PCDHA2: variants seen among roughly 807,000 people sequenced by gnomAD.
PCDHA2 encodes the protein protocadherin alpha 2.
In PCDHA2, 58 loss-of-function variants were observed where a neutral mutation model predicts 66.0. The observed-to-expected ratio is 0.88, with a 90% CI of 0.71 to 1.09. PCDHA2 has a LOEUF of 1.09. PCDHA2 is among the 50% of genes least tolerant of loss of function. The probability of loss-of-function intolerance (pLI) is 0.00; values close to 1 mark genes in which losing one functional copy is unlikely to be tolerated. For synonymous variants in PCDHA2, 634 were observed against 554.0 expected, an observed-to-expected ratio of 1.14 and a Z score of -2.03; for missense variants, 1,267 against 1,242.3, an observed-to-expected ratio of 1.02 and a Z score of -0.30.
chr5:140,967,364 C>T, intron 1 of PCDHA2: 2 of 1,607,620 alleles, frequency 1.2e-6, no homozygotes, highest in Non-Finnish European at 1.7e-6. Flanking sequence ...CCTTAAGCCC[C>T]TGCAGGAGAA....
chr5:140,869,384 A>G, intron 1 of PCDHA2: 1 of 1,614,120 alleles, frequency 6.2e-7, no homozygotes, highest in South Asian at 1.1e-5. Context: ...GACCGCGAGG[A>G]GCTGTGCGGG....
chr5:140,795,249 G>C lies in PCDHA2; in HGVS notation c.285G>C (p.Leu95=), dbSNP rs1554119329. ...ATTCTCGGATCGACCGGGAGGAGCT[G>C]TGCGGGCGGAGCGCGGAATGTAGCA... ...FVNSRIDREE[L]CGRSAECSIH... The change falls in exon 1 of 4, where the codon CTG becomes CTC. Residue 95 remains leucine, a synonymous_variant. Coordinates refer to ENST00000526136, the MANE Select transcript of PCDHA2 (RefSeq NM_018905.3). The C allele has an allele frequency of 6.2e-7, 1 of 1,614,272 alleles. No individual in the cohort carries two copies. The highest frequency in any genetic ancestry group is 1.1e-5 in the South Asian group (1 of 91,068).
chr5:141,000,422 T>TATATA (rs1491457105), intron 3 of PCDHA2, among the ~76,000 whole-genome samples: 1 of 51,852 alleles, frequency 1.9e-5, no homozygotes, highest in Non-Finnish European at 3.5e-5. Flanking sequence ...TATATATATA[T>TATATA]TTTTTTTTTT....
Position 140,828,872 on chromosome 5 carries a change from G to A in PCDHA2, c.2388+31520G>A, listed in dbSNP as rs1769998311. 15 of 1,614,106 alleles carry A rather than the reference G, an allele frequency of 9.3e-6. No individual in the cohort carries two copies. The highest frequency in any genetic ancestry group is 1.2e-5 in the Non-Finnish European group (14 of 1,180,040). On this transcript the variant is annotated intron_variant, in intron 1 of 3. Coordinates refer to ENST00000526136, the MANE Select transcript of PCDHA2 (RefSeq NM_018905.3). ...CGAAAATGCAGACAACGGAACAACA[G>A]TTATCAGACTGAATGCTTCTGATCG...
chr5:140,870,955 C>T, intron 1 of PCDHA2: 1 of 1,613,632 alleles, frequency 6.2e-7, no homozygotes, highest in Non-Finnish European at 8.5e-7. Context: ...GGGCGGCTCG[C>T]GCATCCCGTT....
At chr5:140,800,574 A>G (rs6871155) in intron 1 of PCDHA2, among the ~76,000 whole-genome samples, 8,183 of 152,286 alleles carry the variant, frequency 0.054, 725 homozygotes, top group African/African-American at 0.19. Context: ...CTTGGGTGGT[A>G]AAGAGGTTAA....
At chr5:140,875,654 C>G in intron 1 of PCDHA2, 2 of 1,613,702 alleles carry the variant, frequency 1.2e-6, no homozygotes, top group Non-Finnish European at 8.5e-7. Flanking sequence ...GAGCTGGTGC[C>G]GCGCCTGTTC....
At chr5:140,879,910 T>C (rs2058174335) in intron 1 of PCDHA2, among the ~76,000 whole-genome samples, 1 of 152,194 alleles carries the variant, frequency 6.6e-6, no homozygotes, top group Non-Finnish European at 1.5e-5. Context: ...TCTCTATGTG[T>C]TGGTTTTACA....
intron 1 of PCDHA2, among the ~76,000 whole-genome samples, chr5:140,947,556 A>C (rs1281977555): frequency 1.3e-5 from 2 of 151,584 alleles, no homozygotes; most frequent in Admixed American, 6.6e-5. Flanking sequence ...TTCCGCTGGG[A>C]TTTATATTGG....
chr5:140,807,036 G>GAA lies in PCDHA2; in HGVS notation c.2388+9687_2388+9688dup. 2.1e-6 allele frequency: 2 copies of GAA among 946,538 alleles called. 1 individual carries two copies. The highest frequency in any genetic ancestry group is 3.3e-5 in the South Asian group (2 of 59,988). The allele number at this position is 946,538 out of a possible 1,614,324, so 58.6% of individuals were successfully genotyped here. ...ATACATGAGAGAAGGAGGAAGAAGG[G>GAA]AAAATTCCTTCTATTCTTACTGGAA... On this transcript the variant is annotated intron_variant, in intron 1 of 3. Coordinates refer to ENST00000526136, the MANE Select transcript of PCDHA2 (RefSeq NM_018905.3).
intron 1 of PCDHA2, among the ~76,000 whole-genome samples, chr5:140,931,584 AAC>A (rs1355868674): frequency 1.3e-5 from 2 of 152,054 alleles, no homozygotes; most frequent in Admixed American, 1.3e-4. Flanking sequence ...CATTCAGTTG[AAC>A]AGTCTTTTTC....
At position 140,877,685 on chromosome 5, in the gene PCDHA2, C is replaced by T. The variant is rs377753884; in HGVS notation, c.2388+80333C>T. On this transcript the variant is annotated intron_variant, in intron 1 of 3. Transcript: ENST00000526136. Reference sequence around the variant, plus strand: ...AGCCGGTGCGCGCCGGGCAAGCCCACGCTGGTGTGCTCCAGCGCCGTGGGG... The same window carrying T: ...AGCCGGTGCGCGCCGGGCAAGCCCATGCTGGTGTGCTCCAGCGCCGTGGGG... 3.4e-5 allele frequency: 55 copies of T among 1,613,628 alleles called. No homozygotes were observed. Among genetic ancestry groups the T allele is most frequent in the Non-Finnish European group, 4.6e-5 (54 of 1,179,904 alleles).
intron 1 of PCDHA2, chr5:140,823,109 C>T (rs1197473169): frequency 6.2e-7 from 1 of 1,614,038 alleles, no homozygotes. Context: ...GTGGAAGTGG[C>T]CGACGTGAAC....
At chr5:140,877,189 G>T (rs370743077) in intron 1 of PCDHA2, 3 of 1,613,808 alleles carry the variant, frequency 1.9e-6, no homozygotes, top group Admixed American at 1.7e-5. Context: ...GGCTGGCAGC[G>T]CAGGAGGCGC....
chr5:140,805,073 A>G (rs1554123237), intron 1 of PCDHA2: 5 of 1,593,516 alleles, frequency 3.1e-6, no homozygotes, highest in South Asian at 2.2e-5. Context: ...TGGAACTTCA[A>G]TCTTCAAATC....
intron 1 of PCDHA2, chr5:140,966,759 C>G: frequency 6.9e-7 from 1 of 1,447,012 alleles, no homozygotes; most frequent in Non-Finnish European, 9.1e-7. Context: ...CCGCCGCGGC[C>G]AGTGGCTATG....
Position 140,795,037 on chromosome 5 carries a change from G to A in PCDHA2, c.73G>A (p.Glu25Lys), listed in dbSNP as rs9686540. 0.53 allele frequency: 850,398 copies of A among 1,613,662 alleles called. 224,736 individuals are homozygous for A. Among genetic ancestry groups the A allele is most frequent in the Middle Eastern group, 0.58 (3,520 of 6,058 alleles). Reference sequence around the variant, plus strand: ...CTCGCTTCTGCTCCTCGCAGCCTGGGAGGTGGGGAGCGGCCAGCTCCGCTA... The same window carrying A: ...CTCGCTTCTGCTCCTCGCAGCCTGGAAGGTGGGGAGCGGCCAGCTCCGCTA... ...LLSLLLLAAW[E>K]VGSGQLRYSV... The change falls in exon 1 of 4, where the codon GAG becomes AAG. Residue 25 changes from glutamate (E) to lysine (K), a missense_variant. Physicochemically the swap from Glu to Lys is moderately conservative, Grantham distance 56. Transcript: ENST00000526136.
intron 1 of PCDHA2, chr5:140,856,728 T>C: frequency 6.3e-7 from 1 of 1,595,848 alleles, no homozygotes. Context: ...TCTGTTTCTC[T>C]GCTGATCCTG....
intron 1 of PCDHA2, among the ~76,000 whole-genome samples, chr5:140,978,464 C>T (rs1281042342): frequency 5.3e-5 from 8 of 152,226 alleles, no homozygotes; most frequent in Non-Finnish European, 2.9e-5. Flanking sequence ...CGCCCTGGGT[C>T]AAATATGCTG....
Sources: gnomAD v4.1 joint callset for allele counts (sites outside exome capture counted in the v4.1 genomes callset) on GRCh38, gnomAD v4.1.1 for gene constraint, MANE v1.5 for transcripts, NCBI Gene and HGNC (gene_info 2026-07-23, HGNC 2026-07-21) for gene names.